PDLIM5: variants seen among roughly 807,000 people sequenced by gnomAD.
PDLIM5 encodes the protein PDZ and LIM domain protein 5.
PDLIM5 carries 34 observed loss-of-function variants against 64.2 expected under a neutral mutation model. The ratio of observed to expected loss-of-function variants is 0.53; its 90% confidence interval spans 0.40 to 0.71. The LOEUF is 0.71. Ranked by LOEUF, PDLIM5 falls within the 30% of genes least tolerant of loss-of-function variation. The pLI, the probability that PDLIM5 is intolerant of heterozygous loss-of-function variation, is 0.00. For missense variants in PDLIM5, 683 were observed against 733.6 expected, an observed-to-expected ratio of 0.93 and a Z score of 0.80; for synonymous variants, 253 against 269.1, an observed-to-expected ratio of 0.94 and a Z score of 0.59.
At chr4:94,456,555 T>C (rs1723388559) in intron 2 of PDLIM5, 1 of 719,820 alleles carries the variant, frequency 1.4e-6, no homozygotes, top group South Asian at 1.5e-5. Flanking sequence ...TCATTCTCTA[T>C]TAATATATAA....
At chr4:94,487,544 G>T (rs541455039) in intron 2 of PDLIM5, among the ~76,000 whole-genome samples, 14 of 152,286 alleles carry the variant, frequency 9.2e-5, no homozygotes, top group Admixed American at 3.9e-4. Flanking sequence ...TTCCTTAAGA[G>T]GTGAAAGGCA....
chr4:94,462,488 G>T (rs1723987607), intron 2 of PDLIM5, among the ~76,000 whole-genome samples: 1 of 151,384 alleles, frequency 6.6e-6, no homozygotes. Context: ...AGTTCCTATT[G>T]ATAGACAATT....
chr4:94,505,593 A>G (rs1056392494), intron 2 of PDLIM5, among the ~76,000 whole-genome samples: 1 of 152,196 alleles, frequency 6.6e-6, no homozygotes, highest in Non-Finnish European at 1.5e-5. Context: ...TCAACTGGCT[A>G]TAAATTGCTG....
chr4:94,595,631 G>A (rs1429228043), intron 7 of PDLIM5, among the ~76,000 whole-genome samples: 4 of 152,130 alleles, frequency 2.6e-5, no homozygotes, highest in Non-Finnish European at 5.9e-5. Flanking sequence ...TTAAAACTTT[G>A]TTGATATTCA....
intron 2 of PDLIM5, among the ~76,000 whole-genome samples, chr4:94,518,771 A>G (rs1217897288): frequency 6.6e-6 from 1 of 152,144 alleles, no homozygotes; most frequent in African/African-American, 2.4e-5. Flanking sequence ...GATGTATATC[A>G]CACCTAGAGA....
chr4:94,636,926 T>A (rs1278559263), intron 8 of PDLIM5, among the ~76,000 whole-genome samples: 2 of 151,768 alleles, frequency 1.3e-5, no homozygotes, highest in Non-Finnish European at 2.9e-5. Context: ...AGGTGAGGAG[T>A]GTTACTTCTA....
chr4:94,591,404 T>C (rs753159944), intron 7 of PDLIM5, among the ~76,000 whole-genome samples: 2 of 152,246 alleles, frequency 1.3e-5, no homozygotes, highest in Admixed American at 6.5e-5. Context: ...CTTTAAAATA[T>C]GGAGTTGGAA....
At chr4:94,626,675 C>CT (rs1007129564) in intron 8 of PDLIM5, among the ~76,000 whole-genome samples, 216 of 146,922 alleles carry the variant, frequency 1.5e-3, no homozygotes, top group Middle Eastern at 6.9e-3. Context: ...ATGTGTTTTT[C>CT]TTTTTTTTTT....
At chr4:94,630,441 C>T (rs931469877) in intron 8 of PDLIM5, among the ~76,000 whole-genome samples, 14 of 152,220 alleles carry the variant, frequency 9.2e-5, no homozygotes, top group Admixed American at 1.3e-4. Flanking sequence ...GTGGCGTGAC[C>T]TGGGCTCACT....
At chr4:94,615,573 A>T (rs539694273) in intron 7 of PDLIM5, among the ~76,000 whole-genome samples, 1 of 152,324 alleles carries the variant, frequency 6.6e-6, no homozygotes, top group Non-Finnish European at 1.5e-5. Context: ...TAGTTTGTAT[A>T]GCATAGTGAT....
chr4:94,624,316 C>G (rs978528606), intron 8 of PDLIM5, among the ~76,000 whole-genome samples: 1 of 150,606 alleles, frequency 6.6e-6, no homozygotes, highest in Non-Finnish European at 1.5e-5. Flanking sequence ...AGACCCCCAT[C>G]TAAAAAAAAT....
At chr4:94,526,566 G>T (rs900945274) in intron 3 of PDLIM5, among the ~76,000 whole-genome samples, 5 of 152,078 alleles carry the variant, frequency 3.3e-5, no homozygotes, top group African/African-American at 1.2e-4. Flanking sequence ...AAAATTCGTA[G>T]TATAACATTG....
chr4:94,543,915 G>T (rs1732073217), intron 3 of PDLIM5, among the ~76,000 whole-genome samples: 1 of 151,620 alleles, frequency 6.6e-6, no homozygotes, highest in Non-Finnish European at 1.5e-5. Context: ...TCAGTATGCT[G>T]ACTTCATTTC....
At chr4:94,534,347 A>T (rs945407887) in intron 3 of PDLIM5, among the ~76,000 whole-genome samples, 2 of 152,188 alleles carry the variant, frequency 1.3e-5, no homozygotes, top group Admixed American at 1.3e-4. Context: ...TTTCTTTTAA[A>T]ACCCTTCCTC....
intron 8 of PDLIM5, among the ~76,000 whole-genome samples, chr4:94,627,838 T>TACA (rs1739825831): frequency 6.6e-6 from 1 of 152,214 alleles, no homozygotes; most frequent in African/African-American, 2.4e-5. Context: ...GCACCCTTGG[T>TACA]AGCACTAGTC....
intron 5 of PDLIM5, chr4:94,577,484 T>C: frequency 2.9e-6 from 1 of 339,082 alleles, no homozygotes; most frequent in Non-Finnish European, 5.7e-6. Flanking sequence ...TATATATATA[T>C]TGAGGAAAAC....
At chr4:94,514,050 C>G (rs566230155) in intron 2 of PDLIM5, among the ~76,000 whole-genome samples, 13 of 151,998 alleles carry the variant, frequency 8.6e-5, no homozygotes, top group African/African-American at 3.1e-4. Flanking sequence ...GTTTAACCAT[C>G]CTTGCATCCC....
chr4:94,478,038 A>T (rs546164718), intron 2 of PDLIM5, among the ~76,000 whole-genome samples: 11 of 152,186 alleles, frequency 7.2e-5, no homozygotes, highest in African/African-American at 2.6e-4. Context: ...CGAGCGGATC[A>T]TGAGGTCAGG....
At chr4:94,455,225 A>G in intron 1 of PDLIM5, 22 bp from the exon 2 acceptor site, 4 of 947,496 alleles carry the variant, frequency 4.2e-6, no homozygotes, top group Non-Finnish European at 6.8e-6. Context: ...ATTTTTGCTA[A>G]TCATCTGATT....
Sources: allele counts gnomAD v4.1 joint callset (sites outside exome capture counted in the v4.1 genomes callset), GRCh38; gene constraint gnomAD v4.1.1; transcripts MANE v1.5; gene names NCBI Gene and HGNC (gene_info 2026-07-23, HGNC 2026-07-21).